Variants in CAPZA2 observed in about 807,000 individuals in gnomAD.
The protein encoded by CAPZA2 is capping actin protein of muscle Z-line subunit alpha 2, also known as F-actin-capping protein subunit alpha-2.
CAPZA2 carries 13 observed loss-of-function variants against 44.0 expected under a neutral mutation model. The observed-to-expected ratio is 0.30, with a 90% CI of 0.19 to 0.47. The LOEUF is 0.47. Among genes scored for constraint, CAPZA2 ranks in the 20% least tolerant of loss-of-function variants. The pLI is 1.00. For synonymous variants in CAPZA2, 94 were observed against 108.2 expected (o/e 0.87, Z 0.81); for missense variants, 244 against 338.6 (o/e 0.72, Z 2.19).
chr7:116,907,251 G>A (rs2115966843), intron 6 of CAPZA2, among the ~76,000 whole-genome samples: 1 of 152,292 alleles, frequency 6.6e-6, no homozygotes, highest in African/African-American at 2.4e-5. Context: ...TTGGAGGAAT[G>A]CAGATCCATC....
intron 6 of CAPZA2, among the ~76,000 whole-genome samples, chr7:116,909,274 A>T (rs1791554781): frequency 6.6e-6 from 1 of 152,180 alleles, no homozygotes; most frequent in African/African-American, 2.4e-5. Flanking sequence ...CTATTATATA[A>T]TGTTCAAAAA....
chr7:116,902,740 TTTG>T (rs1360839118), intron 4 of CAPZA2, among the ~76,000 whole-genome samples: 1 of 152,170 alleles, frequency 6.6e-6, no homozygotes, highest in Non-Finnish European at 1.5e-5. Context: ...TTTCACCTTT[TTTG>T]TTGTTGTTAT....
At chr7:116,900,079 A>G (rs1796977423) in intron 4 of CAPZA2, among the ~76,000 whole-genome samples, 1 of 151,752 alleles carries the variant, frequency 6.6e-6, no homozygotes, top group Non-Finnish European at 1.5e-5. Context: ...GACAGTAAAA[A>G]GAGATTTGAG....
intron 8 of CAPZA2, 46 bp from the exon 9 acceptor site, chr7:116,916,014 G>GTTTTTTTTTT: frequency 8.2e-7 from 1 of 1,221,798 alleles, no homozygotes; most frequent in Non-Finnish European, 1.1e-6. Context: ...AATAATAGTG[G>GTTTTTTTTTT]TTTAGTTTTA....
chr7:116,892,425 T>TA (rs1269965810), intron 2 of CAPZA2, among the ~76,000 whole-genome samples: 1 of 152,152 alleles, frequency 6.6e-6, no homozygotes, highest in Non-Finnish European at 1.5e-5. Context: ...TTTTTTTCAA[T>TA]AAAAATGCTA....
chr7:116,863,198 CT>C (rs1159641703), intron 1 of CAPZA2, among the ~76,000 whole-genome samples: 1 of 152,262 alleles, frequency 6.6e-6, no homozygotes, highest in Admixed American at 6.5e-5. Context: ...TTCTGATCCT[CT>C]ACGGTTTATC....
chr7:116,913,884 T>C (rs1437294040), intron 8 of CAPZA2, among the ~76,000 whole-genome samples: 1 of 151,284 alleles, frequency 6.6e-6, no homozygotes, highest in Non-Finnish European at 1.5e-5. Flanking sequence ...AAAGTTTGGC[T>C]TTTGGTTTTT....
intron 1 of CAPZA2, among the ~76,000 whole-genome samples, chr7:116,872,996 G>T (rs1200082226): frequency 6.6e-6 from 1 of 152,156 alleles, no homozygotes; most frequent in African/African-American, 2.4e-5. Flanking sequence ...GGAATAGAGG[G>T]TGGGAATCTG....
chr7:116,902,133 A>G (rs967078467), intron 4 of CAPZA2, among the ~76,000 whole-genome samples: 1 of 152,152 alleles, frequency 6.6e-6, no homozygotes, highest in Non-Finnish European at 1.5e-5. Context: ...ACTGGTTTCT[A>G]TAAGAAGAAA....
At chr7:116,867,153 T>C (rs1472835719) in intron 1 of CAPZA2, among the ~76,000 whole-genome samples, 1 of 152,260 alleles carries the variant, frequency 6.6e-6, no homozygotes, top group Admixed American at 6.5e-5. Flanking sequence ...TCGTTTATTA[T>C]CTCTGCATTG....
At chr7:116,866,408 T>C (rs1475691846) in intron 1 of CAPZA2, among the ~76,000 whole-genome samples, 4 of 152,022 alleles carry the variant, frequency 2.6e-5, no homozygotes, top group Non-Finnish European at 5.9e-5. Flanking sequence ...CCTGACCTCG[T>C]GATCCACCCG....
At chr7:116,913,086 A>G (rs568750679) in intron 8 of CAPZA2, among the ~76,000 whole-genome samples, 1 of 151,910 alleles carries the variant, frequency 6.6e-6, no homozygotes, top group South Asian at 2.1e-4. Context: ...TTTTGGGGGG[A>G]AATACCTATT....
In CAPZA2 at chr7:116,921,815, A is replaced by C. The variant is rs1791773829; in HGVS notation, c.*3948A>C. 1.3e-5 allele frequency: 2 copies of C among 152,204 alleles called. No individual in the cohort carries two copies. The highest frequency in any genetic ancestry group is 1.3e-4 in the Admixed American group (2 of 15,278). The allele number at this position is 152,204 out of a possible 1,614,324, so 9.4% of individuals were successfully genotyped here. A position where few individuals can be genotyped will look rare whatever the true frequency, so the allele number is the denominator to read the frequency against. ...ACTGGCTGAGGGGAGAGAGGAGAGG[A>C]CTTAAGCAACTGTGCCACTCAGCAT... On this transcript the variant is annotated 3_prime_UTR_variant, in exon 10 of 10. Transcript: ENST00000361183.
At chr7:116,894,311 G>A (rs184945828) in intron 3 of CAPZA2, among the ~76,000 whole-genome samples, 2 of 149,664 alleles carry the variant, frequency 1.3e-5, no homozygotes, top group African/African-American at 2.5e-5. Context: ...GCAGCAAGCC[G>A]AGATGGCGCC....
intron 4 of CAPZA2, among the ~76,000 whole-genome samples, chr7:116,902,214 G>T (rs1227517210): frequency 6.6e-6 from 1 of 152,042 alleles, no homozygotes; most frequent in Non-Finnish European, 1.5e-5. Flanking sequence ...GTGAAAAGTG[G>T]CTAACATTTT....
At chr7:116,911,971 C>T in intron 7 of CAPZA2, 98 bp from the exon 8 acceptor site, 1 of 1,566,282 alleles carries the variant, frequency 6.4e-7, no homozygotes, top group Non-Finnish European at 8.7e-7. Flanking sequence ...TAGACTAGAG[C>T]TGAAATATGT....
chr7:116,903,623 T>C (rs1253412826), intron 4 of CAPZA2, among the ~76,000 whole-genome samples: 1 of 152,196 alleles, frequency 6.6e-6, no homozygotes, highest in Non-Finnish European at 1.5e-5. Context: ...TTTAAATTTA[T>C]GGAAATGAAG....
chr7:116,904,966 A>G (rs1266947109), intron 5 of CAPZA2, among the ~76,000 whole-genome samples: 1 of 143,862 alleles, frequency 7.0e-6, no homozygotes, highest in East Asian at 2.1e-4. Context: ...CCCTGTCTCT[A>G]CTTAAAAAAA....
chr7:116,880,025 A>G (rs1796671363), intron 1 of CAPZA2: 2 of 451,934 alleles, frequency 4.4e-6, no homozygotes, highest in African/African-American at 4.1e-5. Flanking sequence ...GGGAGTATAT[A>G]GGCAGTTTCT....
Sources: gnomAD v4.1 joint callset for allele counts (sites outside exome capture counted in the v4.1 genomes callset) on GRCh38, gnomAD v4.1.1 for gene constraint, MANE v1.5 for transcripts, NCBI Gene and HGNC (gene_info 2026-07-23, HGNC 2026-07-21) for gene names.